BRDT: variants seen among roughly 807,000 people sequenced by gnomAD.
BRDT encodes the protein bromodomain testis-specific protein.
Under a neutral mutation model 113.9 loss-of-function variants are expected in BRDT, and 77 were observed. That is an observed-to-expected ratio of 0.68 (90% confidence interval 0.56 to 0.82). The LOEUF (loss-of-function observed/expected upper bound fraction) is 0.82. BRDT is among the 40% of genes least tolerant of loss of function. BRDT has a pLI of 0.00. For synonymous variants in BRDT, 358 were observed against 366.5 expected, an observed-to-expected ratio of 0.98 and a Z score of 0.26; for missense variants, 1,027 against 1,105.4, an observed-to-expected ratio of 0.93 and a Z score of 1.01.
chr1:91,994,825 G>T (rs113393400), intron 15 of BRDT, among the ~76,000 whole-genome samples: 1 of 118,344 alleles, frequency 8.4e-6, no homozygotes, highest in Non-Finnish European at 1.6e-5. Flanking sequence ...CCGAGATCCC[G>T]CCACTGCACT....
chr1:91,975,851 T>C (rs1337788454), intron 4 of BRDT, among the ~76,000 whole-genome samples: 2 of 152,226 alleles, frequency 1.3e-5, no homozygotes, highest in African/African-American at 4.8e-5. Context: ...TTCACATCTT[T>C]TGTTCTGTGA....
intron 1 of BRDT, among the ~76,000 whole-genome samples, chr1:91,960,607 G>A (rs1227950927): frequency 5.3e-5 from 8 of 152,180 alleles, no homozygotes; most frequent in African/African-American, 1.9e-4. Flanking sequence ...AAAAGTTCTA[G>A]AGATTGGTTT....
At position 91,977,118 on chromosome 1, in the gene BRDT, T is replaced by C; in HGVS notation, c.694T>C (p.Ser232Pro). The C allele has an allele frequency of 6.2e-7, 1 of 1,613,746 alleles. No homozygotes were observed. The highest frequency in any genetic ancestry group is 8.5e-7 in the Non-Finnish European group (1 of 1,179,918). ...TSAVKASSEF[S>P]PTFTEKSVAL... ...AGCAGTTAAAGCAAGTAGTGAATTT[T>C]CTCCAACATTCACAGAAAAATCAGT... Residue 232 changes from serine (S) to proline (P), a missense_variant, in exon 6 of 19, where the codon TCT becomes CCT. Physicochemically the swap from Ser to Pro is moderately conservative, Grantham distance 74 (BLOSUM62 -1). Coordinates refer to ENST00000399546, the MANE Select transcript of BRDT (RefSeq NM_207189.4).
chr1:91,985,747 TCCTGCCTCAG>T (rs1202483076), intron 12 of BRDT, among the ~76,000 whole-genome samples: 1 of 150,062 alleles, frequency 6.7e-6, no homozygotes, highest in Non-Finnish European at 1.5e-5. Flanking sequence ...CACGTTATTC[TCCTGCCTCAG>T]CCTGCCGAGC....
chr1:92,005,227 A>T lies in BRDT; in HGVS notation c.2703A>T (p.Lys901Asn), dbSNP rs372847272. 116 of 1,594,118 alleles carry T rather than the reference A, an allele frequency of 7.3e-5. No individual in the cohort carries two copies. Among genetic ancestry groups the T allele is most frequent in the Non-Finnish European group, 9.5e-5 (111 of 1,171,950 alleles). ...AGCAGTCATCAGAAGCTCAAGATAA[A>T]TCCAAACTCTGGCTTCTCAAAGACC... Reference protein sequence around the residue: ...EHQQSSEAQDKSKLWLLKDRD... With the variant: ...EHQQSSEAQDNSKLWLLKDRD... The change falls in exon 18 of 19, where the codon AAA becomes AAT. Residue 901 changes from lysine to asparagine, a missense_variant. Transcript: ENST00000399546.
chr1:91,974,647 G>T (rs1459611928), intron 4 of BRDT, among the ~76,000 whole-genome samples: 1 of 152,132 alleles, frequency 6.6e-6, no homozygotes, highest in Non-Finnish European at 1.5e-5. Flanking sequence ...TGCTGGAGAG[G>T]ATGTGGAGAA....
chr1:92,011,566 A>G (rs757515734), intron 18 of BRDT, among the ~76,000 whole-genome samples: 16 of 152,056 alleles, frequency 1.1e-4, no homozygotes, highest in Non-Finnish European at 2.2e-4. Context: ...GTAGTGATGT[A>G]AAATGTTTCC....
intron 7 of BRDT, 44 bp from the exon 8 acceptor site, chr1:91,979,525 A>G (rs1684515719): frequency 6.4e-7 from 1 of 1,554,110 alleles, no homozygotes; most frequent in Non-Finnish European, 8.7e-7. Context: ...GCTGGATTAA[A>G]TAAAAAATAC....
Position 91,991,345 on chromosome 1 carries a change from G to A in BRDT, c.2064+100G>A, listed in dbSNP as rs191435671. 38 of 551,292 alleles carry A rather than the reference G, an allele frequency of 6.9e-5. No individual in the cohort carries two copies. In the Admixed American group the frequency reaches 7.6e-4, roughly 11 times the overall value. 34.2% of individuals were successfully genotyped at this position (551,292 alleles called of 1,614,324 possible). A position where few individuals can be genotyped will look rare whatever the true frequency, so the allele number is the denominator to read the frequency against. The stretch of plus-strand genomic sequence containing the variant: ...AAATTGTTTTCAATTTTATTTACAC[G>A]AAGAAAGTTGTCACTGTTTTTAGCT... On this transcript the variant is annotated intron_variant, in intron 13 of 18. Coordinates refer to ENST00000399546, the MANE Select transcript of BRDT (RefSeq NM_207189.4).
At chr1:91,959,430 T>A (rs1682178530) in intron 1 of BRDT, among the ~76,000 whole-genome samples, 2 of 151,118 alleles carry the variant, frequency 1.3e-5, no homozygotes, top group Admixed American at 6.6e-5. Flanking sequence ...TTTTTTTTTT[T>A]TTTTTTATTT....
Position 91,994,097 on chromosome 1 carries a change from G to A in BRDT, c.2130G>A (p.Val710=). The A allele has an allele frequency of 6.2e-7, 1 of 1,607,296 alleles. No homozygotes were observed. The highest frequency in any genetic ancestry group is 8.5e-7 in the Non-Finnish European group (1 of 1,177,826). Residue 710 remains valine (V), a synonymous_variant, in exon 15 of 19, where the codon GTG becomes GTA. Transcript: ENST00000399546. Reference sequence around the variant, plus strand: ...TGTTTTAACAGATAGGATATTGTGTGCAAGACACAACCTCTGCCAATACTA... The same window carrying A: ...TGTTTTAACAGATAGGATATTGTGTACAAGACACAACCTCTGCCAATACTA... ...RTGVTQIGYC[V]QDTTSANTTL...
intron 15 of BRDT, among the ~76,000 whole-genome samples, chr1:91,994,505 G>T (rs1489729127): frequency 7.5e-6 from 1 of 132,634 alleles, no homozygotes; most frequent in Non-Finnish European, 1.8e-5. Context: ...TACTTTCCCA[G>T]ATCTGAGCAG....
intron 15 of BRDT, among the ~76,000 whole-genome samples, chr1:91,998,112 C>T (rs1391893796): frequency 6.6e-6 from 1 of 152,114 alleles, no homozygotes; most frequent in African/African-American, 2.4e-5. Flanking sequence ...AAGCTTTTAG[C>T]CATACCCTTA....
intron 4 of BRDT, among the ~76,000 whole-genome samples, chr1:91,971,994 C>T (rs1683671083): frequency 6.6e-6 from 1 of 151,792 alleles, no homozygotes; most frequent in African/African-American, 2.4e-5. Flanking sequence ...CATATCCTTC[C>T]AGCTATTGTT....
rs1686047153 is a variant in BRDT, at chr1:91,994,076, T to G, written c.2116-7T>G. On this transcript the variant is annotated splice_region_variant and splice_polypyrimidine_tract_variant and intron_variant, in intron 14 of 18. Coordinates refer to ENST00000399546, the MANE Select transcript of BRDT (RefSeq NM_207189.4). ...ACTAAGTGATAACTTTGATTTTGTT[T>G]TAACAGATAGGATATTGTGTGCAAG... 2 of 1,589,282 alleles carry G rather than the reference T, an allele frequency of 1.3e-6. No individual in the cohort carries two copies. The highest frequency in any genetic ancestry group is 1.7e-6 in the Non-Finnish European group (2 of 1,171,410).
intron 12 of BRDT, among the ~76,000 whole-genome samples, chr1:91,990,973 A>AT (rs1190110151): frequency 6.6e-6 from 1 of 151,900 alleles, no homozygotes; most frequent in Non-Finnish European, 1.5e-5. Flanking sequence ...AATTTTTTGT[A>AT]TTTTTAGTAG....
chr1:91,967,869 A>G (rs1239129386), intron 3 of BRDT, among the ~76,000 whole-genome samples: 1 of 152,102 alleles, frequency 6.6e-6, no homozygotes, highest in African/African-American at 2.4e-5. Flanking sequence ...ATTTAGTAGG[A>G]TTGCTTGGAT....
At chr1:91,998,400 A>C (rs943042880) in intron 15 of BRDT, among the ~76,000 whole-genome samples, 1 of 152,142 alleles carries the variant, frequency 6.6e-6, no homozygotes, top group African/African-American at 2.4e-5. Context: ...AAAAATACCT[A>C]ATGTAGATGA....
chr1:91,971,742 A>G (rs1236639680), intron 4 of BRDT, among the ~76,000 whole-genome samples: 1 of 152,170 alleles, frequency 6.6e-6, no homozygotes, highest in Non-Finnish European at 1.5e-5. Context: ...AGAAGTGAAG[A>G]TTTGAAAGAA....
Sources: allele counts gnomAD v4.1 joint callset (sites outside exome capture counted in the v4.1 genomes callset), GRCh38; gene constraint gnomAD v4.1.1; transcripts MANE v1.5; gene names NCBI Gene and HGNC (gene_info 2026-07-23, HGNC 2026-07-21).